DGKG: variants seen among roughly 807,000 people sequenced by gnomAD.
DGKG encodes diacylglycerol kinase gamma, also known as DAG kinase gamma.
A neutral mutation model predicts 105.3 loss-of-function variants in DGKG; 78 were observed. That is an observed-to-expected ratio of 0.74 (90% CI 0.62 to 0.89). DGKG has a LOEUF of 0.89. Ranked by LOEUF, DGKG falls within the 40% of genes least tolerant of loss-of-function variation. The pLI is 0.00. For synonymous variants in DGKG, 346 were observed against 367.1 expected (o/e 0.94, Z 0.66); for missense variants, 958 against 1,020.1 (o/e 0.94, Z 0.83).
At chr3:186,218,148 C>G (rs143610368) in intron 20 of DGKG, among the ~76,000 whole-genome samples, 1 of 152,078 alleles carries the variant, frequency 6.6e-6, no homozygotes, top group Non-Finnish European at 1.5e-5. Flanking sequence ...ATCAAACACA[C>G]CAGCATGTGA....
At chr3:186,334,323 A>G (rs769183658) in intron 1 of DGKG, among the ~76,000 whole-genome samples, 1 of 152,188 alleles carries the variant, frequency 6.6e-6, no homozygotes, top group African/African-American at 2.4e-5. Context: ...TCAGACCTAC[A>G]GAGATTATTA....
chr3:186,350,902 G>T (rs371322681), intron 1 of DGKG, among the ~76,000 whole-genome samples: 1 of 152,080 alleles, frequency 6.6e-6, no homozygotes. Flanking sequence ...CCTTTTTTGA[G>T]AAATGTCTTT....
chr3:186,277,138 G>GAT (rs748267995), intron 9 of DGKG, among the ~76,000 whole-genome samples: 10 of 129,246 alleles, frequency 7.7e-5, no homozygotes, highest in Non-Finnish European at 1.9e-4. Context: ...TTCATCAAAA[G>GAT]ATTGATTCAT....
intron 1 of DGKG, among the ~76,000 whole-genome samples, chr3:186,325,753 A>G (rs2108645873): frequency 6.6e-6 from 1 of 151,920 alleles, no homozygotes; most frequent in South Asian, 2.1e-4. Flanking sequence ...TATATATAAT[A>G]TATATTTATT....
chr3:186,241,086 G>A (rs1004845426), intron 20 of DGKG, among the ~76,000 whole-genome samples: 75 of 152,052 alleles, frequency 4.9e-4, no homozygotes, highest in Admixed American at 4.6e-4. Context: ...AGCTGCTATC[G>A]GATCCCACAG....
chr3:186,150,271 G>T, intron 24 of DGKG, 83 bp from the exon 25 acceptor site: 1 of 1,497,658 alleles, frequency 6.7e-7, no homozygotes, highest in Non-Finnish European at 8.9e-7. Flanking sequence ...GAAAGGAAAG[G>T]CCAGCTTCAG....
At chr3:186,256,372 T>C (rs1208791427) in intron 17 of DGKG, among the ~76,000 whole-genome samples, 1 of 152,198 alleles carries the variant, frequency 6.6e-6, no homozygotes, top group African/African-American at 2.4e-5. Context: ...TCCCTCGTCC[T>C]CTCATCTCCC....
intron 1 of DGKG, among the ~76,000 whole-genome samples, chr3:186,350,983 T>G (rs1206559841): frequency 1.3e-5 from 2 of 152,230 alleles, no homozygotes; most frequent in Non-Finnish European, 2.9e-5. Flanking sequence ...TCTCTATATA[T>G]TCTGGACTTT....
At chr3:186,326,397 T>TCAAAAAA (rs1560156258) in intron 1 of DGKG, among the ~76,000 whole-genome samples, 2 of 149,720 alleles carry the variant, frequency 1.3e-5, no homozygotes, top group African/African-American at 5.0e-5. Context: ...AGACACTGTC[T>TCAAAAAA]TAAAAAAAAA....
chr3:186,303,251 G>A (rs754206370), intron 3 of DGKG, among the ~76,000 whole-genome samples: 1 of 152,134 alleles, frequency 6.6e-6, no homozygotes, highest in Non-Finnish European at 1.5e-5. Flanking sequence ...CATGATGAGA[G>A]ACTAACTAGG....
intron 20 of DGKG, among the ~76,000 whole-genome samples, chr3:186,233,511 G>T (rs964336239): frequency 6.6e-6 from 1 of 152,130 alleles, no homozygotes; most frequent in Non-Finnish European, 1.5e-5. Context: ...ACGGAGTCTC[G>T]CTCTGTCGCC....
At chr3:186,322,774 C>T (rs994877000) in intron 1 of DGKG, among the ~76,000 whole-genome samples, 7 of 152,116 alleles carry the variant, frequency 4.6e-5, no homozygotes, top group African/African-American at 1.2e-4. Flanking sequence ...TCTGTATATC[C>T]AACCATCTAC....
At chr3:186,344,427 TTGCAGGAACATGGA>T (rs1206849559) in intron 1 of DGKG, among the ~76,000 whole-genome samples, 4 of 152,356 alleles carry the variant, frequency 2.6e-5, no homozygotes, top group East Asian at 1.9e-4. Context: ...GATATGTCTT[TTGCAGGAACATGGA>T]TGCAGGAACA....
At chr3:186,353,204 G>C (rs188240904) in intron 1 of DGKG, among the ~76,000 whole-genome samples, 1 of 152,048 alleles carries the variant, frequency 6.6e-6, no homozygotes, top group Admixed American at 6.6e-5. Context: ...GGCCGAGGAC[G>C]TGACCCTTTC....
At chr3:186,308,639 A>G (rs41527249) in intron 2 of DGKG, among the ~76,000 whole-genome samples, 17,876 of 152,180 alleles carry the variant, frequency 0.12, 1,116 homozygotes, top group Middle Eastern at 0.19. Flanking sequence ...ATACAACAGG[A>G]AAATGCTTCT....
intron 22 of DGKG, among the ~76,000 whole-genome samples, chr3:186,179,118 G>A (rs933627888): frequency 6.6e-6 from 1 of 152,176 alleles, no homozygotes; most frequent in African/African-American, 2.4e-5. Flanking sequence ...ACCCATGCAA[G>A]GCCAAGGCTC....
At chr3:186,299,851 T>G (rs1723835117) in intron 3 of DGKG, among the ~76,000 whole-genome samples, 1 of 118,752 alleles carries the variant, frequency 8.4e-6, no homozygotes, top group Non-Finnish European at 1.8e-5. Context: ...TTTTTTTTTT[T>G]TGAGATAGAG....
At chr3:186,295,586 G>A (rs1383421028) in intron 5 of DGKG, among the ~76,000 whole-genome samples, 2 of 135,554 alleles carry the variant, frequency 1.5e-5, no homozygotes, top group Non-Finnish European at 3.1e-5. Context: ...CTAAGAGCTG[G>A]AATTCACCTT....
At chr3:186,183,244 T>C (rs1259701436) in intron 22 of DGKG, among the ~76,000 whole-genome samples, 1 of 152,204 alleles carries the variant, frequency 6.6e-6, no homozygotes. Flanking sequence ...ATGCCACCAC[T>C]GGACGTAAAT....
Sources: gnomAD v4.1 joint callset for allele counts (sites outside exome capture counted in the v4.1 genomes callset) on GRCh38, gnomAD v4.1.1 for gene constraint, MANE v1.5 for transcripts, NCBI Gene and HGNC (gene_info 2026-07-23, HGNC 2026-07-21) for gene names.